Variants in CEP83 observed in about 807,000 individuals in gnomAD.
CEP83 encodes the protein centrosomal protein of 83 kDa.
Under a neutral mutation model 101.9 loss-of-function variants are expected in CEP83, and 70 were observed. The observed-to-expected ratio is 0.69, with a 90% CI of 0.57 to 0.84. The LOEUF is 0.84. Ranked by LOEUF, CEP83 falls within the 40% of genes least tolerant of loss-of-function variation. The pLI, the probability that CEP83 is intolerant of heterozygous loss-of-function variation, is 0.00. For missense variants in CEP83, 715 were observed against 787.2 expected (o/e 0.91, Z 1.10); for synonymous variants, 264 against 267.9 (o/e 0.99, Z 0.14).
At chr12:94,340,090 A>T (rs921826849) in intron 11 of CEP83, among the ~76,000 whole-genome samples, 2 of 152,248 alleles carry the variant, frequency 1.3e-5, no homozygotes, top group Non-Finnish European at 2.9e-5. Flanking sequence ...GGCAGCAAAG[A>T]AATCCAAACT....
At chr12:94,367,559 C>A (rs1019335406) in intron 11 of CEP83, among the ~76,000 whole-genome samples, 3 of 152,120 alleles carry the variant, frequency 2.0e-5, no homozygotes, top group African/African-American at 7.2e-5. Context: ...ATCAGTGGGA[C>A]AACTGGTAAA....
At chr12:94,269,096 C>T in the CEP83 span, among the ~76,000 whole-genome samples, 1 of 152,060 alleles carries the variant, frequency 6.6e-6, no homozygotes, top group African/African-American at 2.4e-5. Flanking sequence ...TGAGAAAAAC[C>T]AATAACTCGT....
chr12:94,453,531 T>C (rs538104754), intron 1 of CEP83, among the ~76,000 whole-genome samples: 2 of 152,310 alleles, frequency 1.3e-5, no homozygotes, highest in East Asian at 3.9e-4. Flanking sequence ...TGTCCATTTC[T>C]CCCATCAGAG....
chr12:94,446,523 C>A (rs1025131362), intron 1 of CEP83, among the ~76,000 whole-genome samples: 1 of 152,020 alleles, frequency 6.6e-6, no homozygotes, highest in African/African-American at 2.4e-5. Context: ...TCCTGGCCAA[C>A]AGGGTGAAAC....
At chr12:94,400,234 C>G (rs980597560) in intron 6 of CEP83, among the ~76,000 whole-genome samples, 8 of 152,038 alleles carry the variant, frequency 5.3e-5, no homozygotes, top group Non-Finnish European at 8.8e-5. Flanking sequence ...AGCAACACGA[C>G]CAATGAAAAA....
In CEP83 at chr12:94,388,231, G is replaced by A. The variant is rs142860743; in HGVS notation, c.550-9189C>T. Among the ~76,000 whole-genome samples, 1,466 of 152,262 alleles carry A rather than the reference G, an allele frequency of 9.6e-3. 23 individuals are homozygous for A. Among genetic ancestry groups the A allele is most frequent in the African/African-American group, 0.033 (1,380 of 41,546 alleles). Reference sequence around the variant, plus strand: ...AGAAAATATGGTACATATACACCACGGAATACTATACAGCCATAAAAATGA... The same window carrying A: ...AGAAAATATGGTACATATACACCACAGAATACTATACAGCCATAAAAATGA... On this transcript the variant is annotated intron_variant, in intron 6 of 16. Transcript: ENST00000397809.
At chr12:94,303,025 A>G (rs1039596671), downstream of CEP83, among the ~76,000 whole-genome samples, 1 of 152,240 alleles carries the variant, frequency 6.6e-6, no homozygotes, top group Non-Finnish European at 1.5e-5. Context: ...GGGCTGGGAC[A>G]TTAGCCCTAT....
the CEP83 span, among the ~76,000 whole-genome samples, chr12:94,270,163 G>T: frequency 1.3e-5 from 2 of 152,146 alleles, no homozygotes; most frequent in Non-Finnish European, 2.9e-5. Context: ...TTCCAGATTT[G>T]TCTTGTTGCT....
At chr12:94,433,134 C>T (rs2065764697) in intron 2 of CEP83, among the ~76,000 whole-genome samples, 1 of 152,088 alleles carries the variant, frequency 6.6e-6, no homozygotes, top group Admixed American at 6.6e-5. Context: ...CCTAGAAGGC[C>T]ACATGCAGAA....
At chr12:94,392,030 CAAT>C (rs988603165) in intron 6 of CEP83, among the ~76,000 whole-genome samples, 5 of 152,116 alleles carry the variant, frequency 3.3e-5, no homozygotes, top group African/African-American at 1.2e-4. Context: ...GACTCCCACA[CAAT>C]AATGATGGGA....
intron 6 of CEP83, among the ~76,000 whole-genome samples, chr12:94,393,946 T>C (rs1450465887): frequency 1.3e-5 from 2 of 152,142 alleles, no homozygotes; most frequent in Non-Finnish European, 2.9e-5. Flanking sequence ...CAAGGAGAAC[T>C]ACAAACCACT....
chr12:94,324,046 T>C (rs2058862504), intron 14 of CEP83, among the ~76,000 whole-genome samples: 1 of 152,226 alleles, frequency 6.6e-6, no homozygotes, highest in South Asian at 2.1e-4. Context: ...TCATGCTATA[T>C]TATCATTTTT....
chr12:94,414,706 T>G (rs137910917), intron 2 of CEP83, among the ~76,000 whole-genome samples: 8 of 152,324 alleles, frequency 5.3e-5, no homozygotes, highest in Middle Eastern at 6.8e-3. Context: ...AATTCCTAAA[T>G]GTAAGTTTAG....
chr12:94,314,422 A>G (rs1020025003), intron 14 of CEP83, among the ~76,000 whole-genome samples: 87 of 152,172 alleles, frequency 5.7e-4, no homozygotes, highest in African/African-American at 1.9e-3. Flanking sequence ...TTCCAAAACT[A>G]TAGTTTACTT....
intron 4 of CEP83, among the ~76,000 whole-genome samples, chr12:94,406,513 T>C (rs1159071681): frequency 1.3e-5 from 2 of 151,732 alleles, no homozygotes; most frequent in Non-Finnish European, 2.9e-5. Flanking sequence ...GGGGATAAAC[T>C]TAAAACAGGC....
At chr12:94,270,976 C>T in the CEP83 span, among the ~76,000 whole-genome samples, 3 of 152,094 alleles carry the variant, frequency 2.0e-5, no homozygotes, top group Non-Finnish European at 4.4e-5. Context: ...GCTGCTGACT[C>T]TGGCTTGGAA....
chr12:94,354,908 A>G lies in CEP83; in HGVS notation c.1343+12886T>C, dbSNP rs146726524. Among the ~76,000 whole-genome samples, 13 of 152,316 alleles carry G rather than the reference A, an allele frequency of 8.5e-5. No individual in the cohort carries two copies. In the East Asian group the frequency reaches 2.5e-3, roughly 29 times the overall value. ...GCCTTGCTACTCGGGAGGCTGAAGC[A>G]GGAGAACTGCTTGAATCTGGGAGGT... On this transcript the variant is annotated intron_variant, in intron 11 of 16. Coordinates refer to ENST00000397809, the MANE Select transcript of CEP83 (RefSeq NM_016122.3).
At chr12:94,353,044 CTATACTCAAACATCAAAAA>C (rs2060275841) in intron 11 of CEP83, among the ~76,000 whole-genome samples, 2 of 152,074 alleles carry the variant, frequency 1.3e-5, no homozygotes, top group African/African-American at 4.8e-5. Context: ...CCAAGGCATA[CTATACTCAAACATCAAAAA>C]TCAAATCAAA....
chr12:94,412,845 T>C (rs1190629520), intron 2 of CEP83, among the ~76,000 whole-genome samples: 3 of 150,220 alleles, frequency 2.0e-5, no homozygotes, highest in Admixed American at 6.6e-5. Flanking sequence ...CCTGCCACCA[T>C]ACCCGGCTAA....
Sources: allele counts gnomAD v4.1 joint callset (sites outside exome capture counted in the v4.1 genomes callset), GRCh38; gene constraint gnomAD v4.1.1; transcripts MANE v1.5; gene names NCBI Gene and HGNC (gene_info 2026-07-23, HGNC 2026-07-21).